Variants in NLGN1 observed in about 807,000 individuals in gnomAD.
NLGN1 encodes neuroligin-1.
In NLGN1, 12 loss-of-function variants were observed where a neutral mutation model predicts 65.5. The ratio of observed to expected loss-of-function variants is 0.18; its 90% CI spans 0.12 to 0.30. The LOEUF (loss-of-function observed/expected upper bound fraction) is 0.30. NLGN1 is among the 10% of genes least tolerant of loss of function. The pLI is 1.00. For synonymous variants in NLGN1, 350 were observed against 359.5 expected, an observed-to-expected ratio of 0.97 and a Z score of 0.30; for missense variants, 750 against 1,007.1, an observed-to-expected ratio of 0.74 and a Z score of 3.46.
intron 4 of NLGN1, among the ~76,000 whole-genome samples, chr3:174,151,252 A>C (rs1277290964): frequency 2.6e-5 from 4 of 152,026 alleles, no homozygotes; most frequent in Non-Finnish European, 5.9e-5. Context: ...GCTTAATAAC[A>C]TGTTTTTGTA....
intron 2 of NLGN1, among the ~76,000 whole-genome samples, chr3:173,588,740 G>A (rs2149389300): frequency 6.6e-6 from 1 of 152,288 alleles, no homozygotes; most frequent in Admixed American, 6.5e-5. Flanking sequence ...CAGCATGTTA[G>A]CTTTAGCAGT....
intron 2 of NLGN1, among the ~76,000 whole-genome samples, chr3:173,503,748 A>C (rs1731541948): frequency 6.6e-6 from 1 of 151,960 alleles, no homozygotes; most frequent in African/African-American, 2.4e-5. Context: ...CCAGTCTCTT[A>C]ATTATCCTGA....
chr3:174,137,969 A>G (rs1027496403), intron 4 of NLGN1, among the ~76,000 whole-genome samples: 6 of 152,198 alleles, frequency 3.9e-5, no homozygotes, highest in African/African-American at 1.2e-4. Flanking sequence ...TCATTAGCAT[A>G]GAAGAAATTG....
intron 2 of NLGN1, among the ~76,000 whole-genome samples, chr3:173,566,442 A>G (rs114704759): frequency 1.1e-3 from 171 of 152,338 alleles, no homozygotes; most frequent in Non-Finnish European, 2.0e-3. Flanking sequence ...TGGGAATTAA[A>G]TAATGCTTGC....
chr3:173,643,161 G>A (rs557182999), intron 3 of NLGN1, among the ~76,000 whole-genome samples: 1 of 152,208 alleles, frequency 6.6e-6, no homozygotes, highest in East Asian at 1.9e-4. Context: ...AATAGAGAGA[G>A]CTTTGGCGAC....
At chr3:173,438,192 T>TC (rs1306940549) in intron 2 of NLGN1, among the ~76,000 whole-genome samples, 2 of 152,054 alleles carry the variant, frequency 1.3e-5, no homozygotes, top group African/African-American at 4.8e-5. Context: ...TGGTGGTTTT[T>TC]TCCCCCTTTG....
chr3:174,091,789 A>G (rs1355875493), intron 4 of NLGN1, among the ~76,000 whole-genome samples: 1 of 152,142 alleles, frequency 6.6e-6, no homozygotes, highest in African/African-American at 2.4e-5. Flanking sequence ...TTAAAAGATA[A>G]TTTCTAATTC....
intron 3 of NLGN1, among the ~76,000 whole-genome samples, chr3:173,774,208 C>A (rs1779975945): frequency 6.6e-6 from 1 of 152,130 alleles, no homozygotes; most frequent in African/African-American, 2.4e-5. Context: ...GATATATAGT[C>A]CTCTTAGTTA....
intron 4 of NLGN1, among the ~76,000 whole-genome samples, chr3:174,086,231 G>T: frequency 8.8e-4 from 1 of 1,136 alleles, no homozygotes. Context: ...TTATGTATGT[G>T]CACATATATA....
At chr3:174,138,470 C>T (rs1346125499) in intron 4 of NLGN1, among the ~76,000 whole-genome samples, 4 of 146,586 alleles carry the variant, frequency 2.7e-5, no homozygotes, top group Admixed American at 1.4e-4. Context: ...AATGTCGCTC[C>T]GTCGCCGAGG....
At chr3:174,007,714 A>C (rs554409567) in intron 4 of NLGN1, among the ~76,000 whole-genome samples, 19 of 152,336 alleles carry the variant, frequency 1.2e-4, no homozygotes, top group African/African-American at 3.8e-4. Flanking sequence ...TATGTTCTCA[A>C]GGTTTACATA....
At chr3:174,289,957 A>ATATATATATGTG (rs1340096614), downstream of NLGN1, among the ~76,000 whole-genome samples, 100 of 41,548 alleles carry the variant, frequency 2.4e-3, 1 homozygote, top group African/African-American at 0.013. Context: ...ATATATGTGT[A>ATATATATATGTG]TATATATATA....
rs564747593 is a variant in NLGN1, at chr3:173,939,394, G to A, written c.646+131562G>A. 3.9e-5 allele frequency among the ~76,000 whole-genome samples: 6 copies of A among 152,190 alleles called. No homozygotes were observed. In the South Asian group the frequency reaches 1.2e-3, roughly 32 times the overall value. The stretch of plus-strand genomic sequence containing the variant: ...ATGTCCTATTGCATTTATCTCGTGG[G>A]TTAAAATCATTCATTGATCGCTAAT... On this transcript the variant is annotated intron_variant, in intron 4 of 6. Transcript: ENST00000457714.
chr3:173,605,430 C>T, intron 3 of NLGN1, 104 bp from the exon 3 acceptor site: 1 of 516,834 alleles, frequency 1.9e-6, no homozygotes, highest in South Asian at 1.9e-5. Context: ...ATCTTTCGCA[C>T]TCAGTAAATG....
chr3:174,040,858 A>G (rs1428938797), intron 4 of NLGN1, among the ~76,000 whole-genome samples: 1 of 152,152 alleles, frequency 6.6e-6, no homozygotes, highest in Non-Finnish European at 1.5e-5. Flanking sequence ...CTACAAATTT[A>G]TTCATCAATT....
chr3:174,035,052 G>A lies in NLGN1; in HGVS notation c.646+227220G>A, dbSNP rs137999818. Among the ~76,000 whole-genome samples, 1,257 of 152,200 alleles carry A rather than the reference G, an allele frequency of 8.3e-3. 11 individuals are homozygous for A. The highest frequency in any genetic ancestry group is 0.013 in the Non-Finnish European group (907 of 67,994). On this transcript the variant is annotated intron_variant, in intron 4 of 6. Transcript: ENST00000457714. ...ACTTCAGGACAAGGAATAATTATCAGGGGTCAAGAAGGATATTACATAAAA... is the reference window on the plus strand; with the variant it reads ...ACTTCAGGACAAGGAATAATTATCAAGGGTCAAGAAGGATATTACATAAAA...
At chr3:173,739,000 A>C (rs1202661979) in intron 3 of NLGN1, among the ~76,000 whole-genome samples, 1 of 152,072 alleles carries the variant, frequency 6.6e-6, no homozygotes, top group African/African-American at 2.4e-5. Context: ...AAGACTATTC[A>C]TGGAGGAGGC....
intron 4 of NLGN1, among the ~76,000 whole-genome samples, chr3:174,176,353 T>A (rs1386728417): frequency 6.6e-6 from 1 of 151,954 alleles, no homozygotes; most frequent in African/African-American, 2.4e-5. Flanking sequence ...AAGTATTAAA[T>A]TTTTACTGTC....
chr3:174,133,787 A>G (rs1405085005), intron 4 of NLGN1, among the ~76,000 whole-genome samples: 1 of 152,136 alleles, frequency 6.6e-6, no homozygotes, highest in South Asian at 2.1e-4. Context: ...ACCTTTGCCT[A>G]GCTCCCTTCT....
Sources: gnomAD v4.1 joint callset for allele counts (sites outside exome capture counted in the v4.1 genomes callset) on GRCh38, gnomAD v4.1.1 for gene constraint, MANE v1.5 for transcripts, NCBI Gene and HGNC (gene_info 2026-07-23, HGNC 2026-07-21) for gene names.